Variants in CACNA1C observed in about 807,000 individuals in gnomAD.
CACNA1C encodes the protein calcium voltage-gated channel subunit alpha1 C.
Under a neutral mutation model 229.0 loss-of-function variants are expected in CACNA1C, and 30 were observed. That is an observed-to-expected ratio of 0.13 (90% confidence interval 0.10 to 0.18). The LOEUF is 0.18. Ranked by LOEUF, CACNA1C falls within the 10% of genes least tolerant of loss-of-function variation. The pLI, the probability that CACNA1C is intolerant of heterozygous loss-of-function variation, is 1.00. For missense variants in CACNA1C, 1,658 were observed against 2,845.0 expected (o/e 0.58, Z 9.49); for synonymous variants, 1,114 against 1,132.5 (o/e 0.98, Z 0.33).
rs557897402 is a variant in CACNA1C at position 1,995,947 on chromosome 12, A to G, written c.139+24746A>G. On this transcript the variant is annotated intron_variant, in intron 1 of 46. Transcript: ENST00000682462. The stretch of plus-strand genomic sequence containing the variant: ...GCTACCAGTTCCAAATCATTACTTC[A>G]AAGTAAAATGAGGGCTGATCCTCAA... Among the ~76,000 whole-genome samples, 12 of 152,284 alleles carry G rather than the reference A, an allele frequency of 7.9e-5. No homozygotes were observed. In the East Asian group the frequency reaches 2.3e-3, roughly 29 times the overall value.
intron 37 of CACNA1C, among the ~76,000 whole-genome samples, chr12:2,667,260 C>A (rs2096208472): frequency 6.6e-6 from 1 of 152,082 alleles, no homozygotes; most frequent in Admixed American, 6.6e-5. Flanking sequence ...TCCTTTTCTC[C>A]CTCCCCTCCA....
chr12:2,186,087 C>T (rs982955191), intron 3 of CACNA1C, among the ~76,000 whole-genome samples: 4 of 152,228 alleles, frequency 2.6e-5, no homozygotes, highest in African/African-American at 9.6e-5. Context: ...CAGCAGCTGC[C>T]TCCACTACGG....
intron 3 of CACNA1C, among the ~76,000 whole-genome samples, chr12:2,329,908 G>A (rs750966039): frequency 1.3e-5 from 2 of 152,214 alleles, no homozygotes; most frequent in Admixed American, 6.5e-5. Context: ...GCTCCAGGAG[G>A]ATTAGAGGTC....
chr12:2,118,020 G>C (rs1045499302), intron 2 of CACNA1C, among the ~76,000 whole-genome samples: 1 of 152,244 alleles, frequency 6.6e-6, no homozygotes, highest in Non-Finnish European at 1.5e-5. Context: ...GCGACACAGA[G>C]CACTTCCCAG....
At chr12:2,113,238 C>T (rs914202505) in intron 1 of CACNA1C, among the ~76,000 whole-genome samples, 3 of 152,198 alleles carry the variant, frequency 2.0e-5, no homozygotes, top group African/African-American at 7.2e-5. Context: ...GGGGCAGGCT[C>T]TCTCTAGGTG....
chr12:2,106,069 G>A (rs2078356021), intron 1 of CACNA1C, among the ~76,000 whole-genome samples: 1 of 51,004 alleles, frequency 2.0e-5, no homozygotes, highest in Non-Finnish European at 4.8e-5. Context: ...CCCTGGAGAA[G>A]GTTTCCACCT....
In CACNA1C at chr12:2,316,854, G is replaced by A. The variant is rs146736686; in HGVS notation, c.478-132122G>A. ...GCACAAAAAGATGGCCAGGGACCTC[G>A]GGGAGAATGCGGACACTACCGGCTG... is the stretch of plus-strand genomic sequence containing the variant. On this transcript the variant is annotated intron_variant, in intron 3 of 46. Coordinates refer to ENST00000399655, the MANE Select transcript of CACNA1C (RefSeq NM_000719.7). 1.3e-3 allele frequency among the ~76,000 whole-genome samples: 198 copies of A among 152,292 alleles called. 1 individual carries two copies. Among genetic ancestry groups the A allele is most frequent in the African/African-American group, 4.2e-3 (175 of 41,562 alleles).
chr12:1,972,106 G>A (rs2032540011), intron 1 of CACNA1C, among the ~76,000 whole-genome samples: 1 of 152,222 alleles, frequency 6.6e-6, no homozygotes, highest in South Asian at 2.1e-4. Context: ...TTAGCATTCA[G>A]CAAGGAAGGC....
rs1455054083 is a variant in CACNA1C, at chr12:2,053,593, C to G, written c.31C>G (p.Pro11Ala). 1.3e-6 allele frequency: 2 copies of G among 1,599,704 alleles called. No individual in the cohort carries two copies. The highest frequency in any genetic ancestry group is 1.7e-6 in the Non-Finnish European group (2 of 1,173,226). The change falls in exon 1 of 47, where the codon CCA (proline) becomes GCA (alanine). Residue 11 changes from proline to alanine, a missense_variant. Pro to Ala is a conservative substitution (Grantham distance 27, BLOSUM62 -1). Transcript: ENST00000399655. The surrounding 1 kb of genome is among the most constrained non-coding windows in gnomAD (Gnocchi z 5.8). MVNENTRMYIPEENHQGSNYG... is the reference protein window; with the variant it reads MVNENTRMYIAEENHQGSNYG... ...CAATGAGAATACGAGGATGTACATTCCAGAGGAAAACCACCAAGGTAAGGC... is the reference window on the plus strand; with the variant it reads ...CAATGAGAATACGAGGATGTACATTGCAGAGGAAAACCACCAAGGTAAGGC...
chr12:2,000,721 A>G (rs1183702628), intron 1 of CACNA1C, among the ~76,000 whole-genome samples: 1 of 152,162 alleles, frequency 6.6e-6, no homozygotes, highest in Non-Finnish European at 1.5e-5. Context: ...TTATTATTAT[A>G]TGTCTCAGTT....
chr12:2,621,653 C>A (rs1010376821), intron 29 of CACNA1C, among the ~76,000 whole-genome samples: 1 of 152,028 alleles, frequency 6.6e-6, no homozygotes, highest in African/African-American at 2.4e-5. Context: ...AGGCAGGTGG[C>A]AGTGGAAGAG....
chr12:2,138,921 C>T (rs1301424807), intron 3 of CACNA1C, among the ~76,000 whole-genome samples: 2 of 150,634 alleles, frequency 1.3e-5, no homozygotes, highest in African/African-American at 4.9e-5. Context: ...TCCTCCATGA[C>T]TGGCTTTGGT....
At chr12:2,164,479 T>C (rs963619900) in intron 3 of CACNA1C, among the ~76,000 whole-genome samples, 3 of 152,186 alleles carry the variant, frequency 2.0e-5, no homozygotes, top group Admixed American at 1.3e-4. Context: ...TTCAAAGTTC[T>C]GGAACTAATT....
intron 3 of CACNA1C, among the ~76,000 whole-genome samples, chr12:2,266,235 C>A (rs1393116708): frequency 2.0e-5 from 3 of 152,230 alleles, no homozygotes; most frequent in African/African-American, 7.2e-5. Flanking sequence ...TGCCTTCGAG[C>A]CTGCTGGCAT....
chr12:2,297,600 GC>G (rs1380399755), intron 3 of CACNA1C, among the ~76,000 whole-genome samples: 2 of 152,182 alleles, frequency 1.3e-5, no homozygotes, highest in African/African-American at 2.4e-5. Flanking sequence ...CCACTGCTGA[GC>G]CCCACAGCAT....
chr12:2,107,971 G>A (rs898934493), intron 1 of CACNA1C, among the ~76,000 whole-genome samples: 5 of 152,202 alleles, frequency 3.3e-5, no homozygotes, highest in Admixed American at 6.5e-5. Context: ...TGAATGTACC[G>A]TAATTGAAAA....
At position 2,135,915 on chromosome 12, in the gene CACNA1C, G is replaced by A. The variant is rs371841018; in HGVS notation, c.477+15485G>A. ...GCGCCCCTCCCCCAGCCTCGCTGCC[G>A]CCTTGCAGTTTGATCTCAGACTGCT... On this transcript the variant is annotated intron_variant, in intron 3 of 46. Coordinates refer to ENST00000399655, the MANE Select transcript of CACNA1C (RefSeq NM_000719.7). Among the ~76,000 whole-genome samples, 52 of 148,862 alleles carry A rather than the reference G, an allele frequency of 3.5e-4. No individual in the cohort carries two copies. The East Asian group carries it at 5.9e-3, about 17-fold the overall frequency.
chr12:2,413,076 G>A (rs2098826324), intron 3 of CACNA1C, among the ~76,000 whole-genome samples: 1 of 152,218 alleles, frequency 6.6e-6, no homozygotes. Context: ...GGAGTGCAGT[G>A]GCGTGATCTC....
rs1378978641 is a variant in CACNA1C, at chr12:2,695,536, A to G, written c.*4337A>G. ...TCAGCCGCCAGAGTCCAGGTTCTCC[A>G]GAGGCTACGATTTGAGGAGGTTGAG... is the stretch of plus-strand genomic sequence containing the variant. On this transcript the variant is annotated 3_prime_UTR_variant, in exon 47 of 47. Coordinates refer to ENST00000399655, the MANE Select transcript of CACNA1C (RefSeq NM_000719.7). 6.6e-6 allele frequency: 1 copy of G among 152,426 alleles called. No individual in the cohort carries two copies. The highest frequency in any genetic ancestry group is 1.9e-4 in the East Asian group (1 of 5,186). 9.4% of individuals were successfully genotyped at this position (152,426 alleles called of 1,614,324 possible).
Sources: allele counts gnomAD v4.1 joint callset (sites outside exome capture counted in the v4.1 genomes callset), GRCh38; gene constraint gnomAD v4.1.1; non-coding constraint Gnocchi (gnomAD v3.1); transcripts MANE v1.5; gene names NCBI Gene and HGNC (gene_info 2026-07-23, HGNC 2026-07-21).